Variants in TGFA observed in about 807,000 individuals in gnomAD.
TGFA encodes the protein protransforming growth factor alpha.
TGFA carries 12 observed loss-of-function variants against 21.7 expected under a neutral mutation model. That is an observed-to-expected ratio of 0.55 (90% CI 0.35 to 0.90). TGFA has a LOEUF of 0.90. Among genes scored for constraint, TGFA ranks in the 40% least tolerant of loss-of-function variants. The pLI is 0.01. For synonymous variants in TGFA, 79 were observed against 88.1 expected (o/e 0.90, Z 0.58); for missense variants, 178 against 210.8 (o/e 0.84, Z 0.96).
intron 1 of TGFA, among the ~76,000 whole-genome samples, chr2:70,528,425 C>T (rs1279961946): frequency 2.7e-5 from 4 of 148,008 alleles, no homozygotes; most frequent in South Asian, 2.1e-4. Context: ...GCATGTCAGA[C>T]GAGAGGAGGC....
At chr2:70,517,323 T>C (rs1359171595) in intron 1 of TGFA, among the ~76,000 whole-genome samples, 1 of 152,234 alleles carries the variant, frequency 6.6e-6, no homozygotes, top group Non-Finnish European at 1.5e-5. Context: ...TCTTGATCCA[T>C]GCCTAGCATC....
Position 70,450,307 on chromosome 2 carries a change from A to G in TGFA, c.*552T>C, listed in dbSNP as rs11466285. The G allele has an allele frequency of 0.086, 13,165 of 152,756 alleles. 698 individuals carry two copies. The highest frequency in any genetic ancestry group is 0.11 in the Non-Finnish European group (7,671 of 68,354). 9.5% of individuals were successfully genotyped at this position (152,756 alleles called of 1,614,324 possible). A position where few individuals can be genotyped will look rare whatever the true frequency, so the allele number is the denominator to read the frequency against. On this transcript the variant is annotated 3_prime_UTR_variant, in exon 6 of 6. Transcript: ENST00000295400. The stretch of plus-strand genomic sequence containing the variant: ...GGATGGTCTTCAATGTCATGTGTCC[A>G]TGGAAGATGTTGGGCTGGTTGAGGG...
At chr2:70,513,125 T>C (rs1193394642) in intron 2 of TGFA, among the ~76,000 whole-genome samples, 1 of 152,102 alleles carries the variant, frequency 6.6e-6, no homozygotes. Flanking sequence ...GTGGAGATCA[T>C]AGTGACAAGT....
intron 1 of TGFA, among the ~76,000 whole-genome samples, chr2:70,537,461 C>A (rs955127730): frequency 5.3e-5 from 8 of 152,202 alleles, no homozygotes; most frequent in African/African-American, 1.9e-4. Flanking sequence ...AGGCTTCTTG[C>A]TCCAAACAAT....
At position 70,504,491 on chromosome 2, in the gene TGFA, C is replaced by T. The variant is rs1399006907; in HGVS notation, c.94+10368G>A. On this transcript the variant is annotated intron_variant, in intron 2 of 5. Coordinates refer to ENST00000295400, the MANE Select transcript of TGFA (RefSeq NM_003236.4). ...ACACATACATACATACATACACACA[C>T]ACACACACACACACACACACACACA... is the stretch of plus-strand genomic sequence containing the variant. Among the ~76,000 whole-genome samples the T allele has an allele frequency of 3.4e-3, 371 of 109,788 alleles. 9 individuals are homozygous for T. The East Asian group carries it at 0.065, about 19-fold the overall frequency. 72.0% of individuals were successfully genotyped at this position (109,788 alleles called of 152,430 possible). A position where few individuals can be genotyped will look rare whatever the true frequency, so the allele number is the denominator to read the frequency against.
At chr2:70,496,890 T>C (rs1209139689) in intron 2 of TGFA, among the ~76,000 whole-genome samples, 1 of 152,210 alleles carries the variant, frequency 6.6e-6, no homozygotes, top group African/African-American at 2.4e-5. Context: ...GAAATCATTA[T>C]AGACAGCACT....
chr2:70,551,350 A>C (rs1198628681), intron 1 of TGFA, among the ~76,000 whole-genome samples: 3 of 152,256 alleles, frequency 2.0e-5, no homozygotes, highest in Admixed American at 6.5e-5. Flanking sequence ...TTATGTTTCC[A>C]GTGTTGCCAT....
At chr2:70,506,739 G>T (rs542619754) in intron 2 of TGFA, among the ~76,000 whole-genome samples, 16 of 152,244 alleles carry the variant, frequency 1.1e-4, no homozygotes, top group African/African-American at 2.2e-4. Flanking sequence ...CATTCTACAG[G>T]CAAGGAAGCC....
At position 70,450,618 on chromosome 2, in the gene TGFA, C is replaced by A; in HGVS notation, c.*241G>T. On this transcript the variant is annotated 3_prime_UTR_variant, in exon 6 of 6. Coordinates refer to ENST00000295400, the MANE Select transcript of TGFA (RefSeq NM_003236.4). ...AACAGGAGTCCGTCTCTTTGCAGTT[C>A]TTTTTTAACAAGTCTTGAAATCGTG... 1.9e-6 allele frequency: 1 copy of A among 535,150 alleles called. No homozygotes were observed. The highest frequency in any genetic ancestry group is 3.4e-6 in the Non-Finnish European group (1 of 295,992). The allele number at this position is 535,150 out of a possible 1,614,324, so 33.2% of individuals were successfully genotyped here.
At chr2:70,532,906 G>GCC (rs1672856419) in intron 1 of TGFA, among the ~76,000 whole-genome samples, 1 of 151,128 alleles carries the variant, frequency 6.6e-6, no homozygotes, top group Admixed American at 6.6e-5. Flanking sequence ...TGTTGCCTAG[G>GCC]CTGGAGTGCA....
intron 5 of TGFA, among the ~76,000 whole-genome samples, chr2:70,452,474 T>C (rs1553489799): frequency 1.3e-5 from 2 of 149,948 alleles, no homozygotes; most frequent in Non-Finnish European, 3.0e-5. Flanking sequence ...GGTTTTAAGG[T>C]CATTAGAGAC....
intron 1 of TGFA, among the ~76,000 whole-genome samples, chr2:70,526,991 G>A (rs1574134316): frequency 6.6e-6 from 1 of 152,200 alleles, no homozygotes; most frequent in Non-Finnish European, 1.5e-5. Context: ...AAGTGGTTCA[G>A]GAGTCAAAAC....
At chr2:70,518,602 G>A (rs1672357788) in intron 1 of TGFA, among the ~76,000 whole-genome samples, 1 of 152,146 alleles carries the variant, frequency 6.6e-6, no homozygotes, top group Non-Finnish European at 1.5e-5. Flanking sequence ...CCTCTCCCCT[G>A]GGCCCCAGAG....
intron 1 of TGFA, among the ~76,000 whole-genome samples, chr2:70,531,391 C>T (rs1011553373): frequency 6.6e-6 from 1 of 152,174 alleles, no homozygotes; most frequent in African/African-American, 2.4e-5. Flanking sequence ...GGCTATGGTA[C>T]TAGATTTATG....
chr2:70,501,257 T>A (rs1574107887), intron 2 of TGFA, among the ~76,000 whole-genome samples: 1 of 77,910 alleles, frequency 1.3e-5, no homozygotes, highest in Non-Finnish European at 2.4e-5. Flanking sequence ...TTGCTTGCAA[T>A]TTTTTTTTTT....
intron 1 of TGFA, among the ~76,000 whole-genome samples, chr2:70,546,802 G>A (rs1673320517): frequency 6.6e-6 from 1 of 152,238 alleles, no homozygotes; most frequent in East Asian, 1.9e-4. Flanking sequence ...TGATCTGCCT[G>A]CCTCAACCTC....
intron 5 of TGFA, 37 bp downstream of exon 5, chr2:70,453,181 C>T (rs781849385): frequency 1.9e-6 from 3 of 1,584,034 alleles, no homozygotes; most frequent in African/African-American, 1.3e-5. Flanking sequence ...GTTTTCTCCA[C>T]CCAATAGTGT....
intron 1 of TGFA, among the ~76,000 whole-genome samples, chr2:70,541,137 C>T (rs1171206269): frequency 2.0e-5 from 3 of 152,114 alleles, no homozygotes; most frequent in Non-Finnish European, 4.4e-5. Flanking sequence ...TTTTAAAATG[C>T]TGATAATAAC....
At chr2:70,539,888 T>C (rs1429387163) in intron 1 of TGFA, among the ~76,000 whole-genome samples, 1 of 152,192 alleles carries the variant, frequency 6.6e-6, no homozygotes, top group East Asian at 1.9e-4. Context: ...GTGTGGTCTG[T>C]GGTTCCACAT....
Sources: allele counts gnomAD v4.1 joint callset (sites outside exome capture counted in the v4.1 genomes callset), GRCh38; gene constraint gnomAD v4.1.1; transcripts MANE v1.5; gene names NCBI Gene and HGNC (gene_info 2026-07-23, HGNC 2026-07-21).